Variants in ARPP19 observed in about 807,000 individuals in gnomAD.
ARPP19 encodes cAMP-regulated phosphoprotein 19.
ARPP19 carries 8 observed loss-of-function variants against 12.0 expected under a neutral mutation model. The observed-to-expected ratio is 0.67, with a 90% confidence interval of 0.39 to 1.21. The LOEUF (loss-of-function observed/expected upper bound fraction) is 1.21, where lower values mean the gene tolerates loss of function less well. Among genes scored for constraint, ARPP19 ranks in the 50% most tolerant of loss-of-function variants. The probability of loss-of-function intolerance (pLI) is 0.01; values close to 1 mark genes in which losing one functional copy is unlikely to be tolerated. For missense variants in ARPP19, 102 were observed against 136.3 expected (o/e 0.75, Z 1.25); for synonymous variants, 47 against 50.4 (o/e 0.93, Z 0.29).
chr15:52,560,555 A>G (rs2092297279), intron 1 of ARPP19, among the ~76,000 whole-genome samples: 1 of 152,242 alleles, frequency 6.6e-6, no homozygotes, highest in African/African-American at 2.4e-5. Context: ...ACAGGGGGGA[A>G]AAGATGACCT....
chr15:52,551,763 C>T lies in ARPP19; in HGVS notation c.*171G>A. On this transcript the variant is annotated 3_prime_UTR_variant, in exon 3 of 3. Coordinates refer to ENST00000249822, the MANE Select transcript of ARPP19 (RefSeq NM_006628.6). Reference sequence around the variant, plus strand: ...TCCTCTTCACCAGTGCACTGTTAAACTAATCAAAAACTCTACACACGTATA... The same window carrying T: ...TCCTCTTCACCAGTGCACTGTTAAATTAATCAAAAACTCTACACACGTATA... The T allele has an allele frequency of 1.7e-6, 1 of 597,702 alleles. No homozygotes were observed. The highest frequency in any genetic ancestry group is 2.1e-5 in the South Asian group (1 of 47,322). 37.0% of individuals were successfully genotyped at this position (597,702 alleles called of 1,614,324 possible). A position where few individuals can be genotyped will look rare whatever the true frequency, so the allele number is the denominator to read the frequency against.
intron 1 of ARPP19, among the ~76,000 whole-genome samples, chr15:52,567,486 G>A (rs1269697383): frequency 6.6e-6 from 1 of 152,062 alleles, no homozygotes; most frequent in Admixed American, 6.5e-5. Flanking sequence ...CACAGACAGG[G>A]ACTTGTTATT....
Position 52,568,959 on chromosome 15 carries a change from C to A in ARPP19, c.-67G>T. The A allele has an allele frequency of 2.5e-6, 3 of 1,182,130 alleles. No individual in the cohort carries two copies. Among genetic ancestry groups the A allele is most frequent in the Non-Finnish European group, 3.6e-6 (3 of 833,314 alleles). The allele number at this position is 1,182,130 out of a possible 1,614,324, so 73.2% of individuals were successfully genotyped here. A position where few individuals can be genotyped will look rare whatever the true frequency, so the allele number is the denominator to read the frequency against. On this transcript the variant is annotated 5_prime_UTR_variant, in exon 1 of 3. Coordinates refer to ENST00000249822, the MANE Select transcript of ARPP19 (RefSeq NM_006628.6). The stretch of plus-strand genomic sequence containing the variant: ...TAGCGGGTGGCCGAGGCCACCCGGC[C>A]GCCGCCCGTCCCAGCTCTCCCAGGG...
intron 1 of ARPP19, among the ~76,000 whole-genome samples, chr15:52,562,612 C>G (rs1356578391): frequency 6.6e-6 from 1 of 151,496 alleles, no homozygotes; most frequent in African/African-American, 2.4e-5. Context: ...CCCTGGGAGA[C>G]AGAGTGAGAC....
rs1246852860 is a variant in ARPP19 at position 52,549,252 on chromosome 15, T to C, written c.*2682A>G. On this transcript the variant is annotated 3_prime_UTR_variant, in exon 3 of 3. Transcript: ENST00000249822. ...TTAACCATTTCTGAGACTGTAACTT[T>C]GAAATTGTAAGAAATGGACAATTAA... is the stretch of plus-strand genomic sequence containing the variant. The C allele has an allele frequency of 6.6e-6, 1 of 152,252 alleles. No individual in the cohort carries two copies. Among genetic ancestry groups the C allele is most frequent in the African/African-American group, 2.4e-5 (1 of 41,450 alleles). 9.4% of individuals were successfully genotyped at this position (152,252 alleles called of 1,614,324 possible). A position where few individuals can be genotyped will look rare whatever the true frequency, so the allele number is the denominator to read the frequency against.
intron 2 of ARPP19, among the ~76,000 whole-genome samples, chr15:52,554,245 G>A (rs764870660): frequency 2.6e-5 from 4 of 152,058 alleles, no homozygotes; most frequent in Non-Finnish European, 4.4e-5. Context: ...TCACAAGGGG[G>A]TCTCAATTAA....
intron 1 of ARPP19, among the ~76,000 whole-genome samples, chr15:52,566,517 C>T (rs955284557): frequency 1.3e-5 from 2 of 152,176 alleles, no homozygotes; most frequent in Non-Finnish European, 2.9e-5. Context: ...CTCCTGGTCT[C>T]AAGTGATCCT....
chr15:52,557,030 C>T (rs1255725575), intron 2 of ARPP19, 70 bp downstream of exon 2: 43 of 1,495,448 alleles, frequency 2.9e-5, no homozygotes, highest in South Asian at 4.6e-5. Context: ...CACAGATATC[C>T]GTTTCACAAT....
intron 1 of ARPP19, among the ~76,000 whole-genome samples, chr15:52,560,243 C>T (rs547613054): frequency 2.6e-5 from 4 of 152,090 alleles, no homozygotes; most frequent in South Asian, 2.1e-4. Flanking sequence ...GTCATCTGCC[C>T]GCCTCGGCCT....
intron 1 of ARPP19, among the ~76,000 whole-genome samples, chr15:52,558,482 A>AAAAAAAAAAAAAAAAAAAAAAAAAAG (rs559673591): frequency 6.7e-6 from 1 of 148,976 alleles, no homozygotes; most frequent in Non-Finnish European, 1.5e-5. Flanking sequence ...AAAAAAAAAA[A>AAAAAAAAAAAAAAAAAAAAAAAAAAG]AAAGAAAGAA....
intron 1 of ARPP19, among the ~76,000 whole-genome samples, chr15:52,561,955 T>TTTTTG (rs2078037463): frequency 6.8e-6 from 1 of 146,934 alleles, no homozygotes; most frequent in South Asian, 2.1e-4. Context: ...TTTTTTTTTT[T>TTTTTG]TATTAAGATA....
chr15:52,558,265 T>C (rs1015460618), intron 1 of ARPP19, among the ~76,000 whole-genome samples: 1 of 151,998 alleles, frequency 6.6e-6, no homozygotes, highest in African/African-American at 2.4e-5. Flanking sequence ...CTGGGCAATA[T>C]GGACAAAACC....
Position 52,568,998 on chromosome 15 carries a change from C to A in ARPP19, c.-106G>T. 1 of 799,646 alleles carries A rather than the reference C, an allele frequency of 1.3e-6. No homozygotes were observed. Among genetic ancestry groups the A allele is most frequent in the Non-Finnish European group, 2.0e-6 (1 of 510,906 alleles). The allele number at this position is 799,646 out of a possible 1,614,324, so 49.5% of individuals were successfully genotyped here. A position where few individuals can be genotyped will look rare whatever the true frequency, so the allele number is the denominator to read the frequency against. ...GCTCTCCCAGGGCCCGCCGGGCCGC[C>A]TCCGCCCGCGAAAATGGCCGCCGCC... On this transcript the variant is annotated 5_prime_UTR_variant, in exon 1 of 3. In the 5' UTR this introduces an upstream ATG that the reference lacks. Coordinates refer to ENST00000249822, the MANE Select transcript of ARPP19 (RefSeq NM_006628.6).
rs1240408862 is a variant in ARPP19, at chr15:52,550,042, G to A, written c.*1892C>T. 2.6e-5 allele frequency: 4 copies of A among 152,604 alleles called. No individual in the cohort carries two copies. The highest frequency in any genetic ancestry group is 5.9e-5 in the Non-Finnish European group (4 of 68,040). 9.5% of individuals were successfully genotyped at this position (152,604 alleles called of 1,614,324 possible). ...CCATTGACTATGATTTGGGGTCATA[G>A]GAGAGCAGGTATACTGATGGAACCA... On this transcript the variant is annotated 3_prime_UTR_variant, in exon 3 of 3. Coordinates refer to ENST00000249822, the MANE Select transcript of ARPP19 (RefSeq NM_006628.6).
chr15:52,557,246 C>G, intron 1 of ARPP19, 24 bp from the exon 2 acceptor site: 1 of 1,546,812 alleles, frequency 6.5e-7, no homozygotes, highest in Non-Finnish European at 8.8e-7. Context: ...AAATAAATTA[C>G]TTCTCTATTA....
chr15:52,556,656 A>C (rs1022179500), intron 2 of ARPP19, among the ~76,000 whole-genome samples: 6 of 152,160 alleles, frequency 3.9e-5, no homozygotes, highest in Non-Finnish European at 8.8e-5. Context: ...AAAATATGGA[A>C]GTTTCAAAAT....
rs10600080 is a variant in ARPP19, at chr15:52,552,583, C to CAA, written c.169-481_169-480dup. On this transcript the variant is annotated intron_variant, in intron 2 of 2. Coordinates refer to ENST00000249822, the MANE Select transcript of ARPP19 (RefSeq NM_006628.6). ...AGCCTGGGCAACAGAGACTGTCTCA[C>CAA]AAAAAAAAAAAAAAAAAAAAAAAAA... 2.0e-3 allele frequency among the ~76,000 whole-genome samples: 118 copies of CAA among 59,686 alleles called. 7 individuals are homozygous for CAA. Among genetic ancestry groups the CAA allele is most frequent in the Non-Finnish European group, 3.1e-3 (89 of 28,764 alleles). The allele number at this position is 59,686 out of a possible 152,430, so 39.2% of individuals were successfully genotyped here. A position where few individuals can be genotyped will look rare whatever the true frequency, so the allele number is the denominator to read the frequency against.
intron 1 of ARPP19, chr15:52,564,043 A>G (rs756061733): frequency 3.5e-6 from 2 of 573,584 alleles, no homozygotes; most frequent in Non-Finnish European, 6.1e-6. Flanking sequence ...CATCTTTAAT[A>G]TTTTATGTTA....
In ARPP19 at chr15:52,550,289, A is replaced by G. The variant is rs1595859265; in HGVS notation, c.*1645T>C. On this transcript the variant is annotated 3_prime_UTR_variant, in exon 3 of 3. Coordinates refer to ENST00000249822, the MANE Select transcript of ARPP19 (RefSeq NM_006628.6). ...AGTAAAACTAAATTGGTATTTTACT[A>G]AAGTGACATCTACAGAAGCAAACAT... 1 of 152,240 alleles carries G rather than the reference A, an allele frequency of 6.6e-6. No homozygotes were observed. Among genetic ancestry groups the G allele is most frequent in the East Asian group, 1.9e-4 (1 of 5,206 alleles). The allele number at this position is 152,240 out of a possible 1,614,324, so 9.4% of individuals were successfully genotyped here. A position where few individuals can be genotyped will look rare whatever the true frequency, so the allele number is the denominator to read the frequency against.
Sources: allele counts gnomAD v4.1 joint callset (sites outside exome capture counted in the v4.1 genomes callset), GRCh38; gene constraint gnomAD v4.1.1; transcripts MANE v1.5; gene names NCBI Gene and HGNC (gene_info 2026-07-23, HGNC 2026-07-21).